Variants in ARHGEF10 observed in about 807,000 individuals in gnomAD.
ARHGEF10 encodes Rho guanine nucleotide exchange factor 10, also known as Rho guanine nucleotide exchange factor (GEF) 10.
ARHGEF10 carries 140 observed loss-of-function variants against 147.4 expected under a neutral mutation model. That is an observed-to-expected ratio of 0.95 (90% CI 0.83 to 1.09). The LOEUF (loss-of-function observed/expected upper bound fraction) is 1.09, where lower values mean the gene tolerates loss of function less well. Ranked by LOEUF, ARHGEF10 falls within the 50% of genes least tolerant of loss-of-function variation. ARHGEF10 has a pLI of 0.00. For synonymous variants in ARHGEF10, 902 were observed against 695.8 expected (o/e 1.30, Z -4.67); for missense variants, 2,222 against 1,752.7 (o/e 1.27, Z -4.78).
intron 15 of ARHGEF10, among the ~76,000 whole-genome samples, chr8:1,900,702 TAAACTC>T (rs1810383396): frequency 6.6e-6 from 1 of 152,214 alleles, no homozygotes; most frequent in African/African-American, 2.4e-5. Flanking sequence ...AGGACATTCT[TAAACTC>T]AGAATTCCAG....
At position 1,946,067 on chromosome 8, in the gene ARHGEF10, C is replaced by T. The variant is rs192117760; in HGVS notation, c.3397+412C>T. The T allele has an allele frequency of 2.0e-5, 7 of 353,054 alleles. No individual in the cohort carries two copies. The East Asian group carries it at 4.2e-4, about 21-fold the overall frequency. The allele number at this position is 353,054 out of a possible 1,614,324, so 21.9% of individuals were successfully genotyped here. On this transcript the variant is annotated intron_variant, in intron 27 of 28. Transcript: ENST00000349830. ...GGGAGGGCTGTTGGGGAGAGGCCAA[C>T]AGAGGCCTATGTTTGTGAATGCCCT... is the stretch of plus-strand genomic sequence containing the variant.
At chr8:1,870,844 C>CAG (rs1275963681) in intron 7 of ARHGEF10, 6 of 152,094 alleles carry the variant, frequency 3.9e-5, no homozygotes, top group African/African-American at 1.4e-4. Flanking sequence ...CAGGCACGGT[C>CAG]GCTCACGCCT....
intron 22 of ARHGEF10, among the ~76,000 whole-genome samples, chr8:1,925,791 C>T (rs776103875): frequency 3.3e-5 from 5 of 152,206 alleles, no homozygotes; most frequent in Admixed American, 6.5e-5. Context: ...GTACCGTGCC[C>T]GCTCTTTGCC....
chr8:1,945,629 C>T lies in ARHGEF10; in HGVS notation c.3371C>T (p.Ala1124Val), dbSNP rs1464186276. The T allele has an allele frequency of 1.9e-6, 3 of 1,614,112 alleles. No homozygotes were observed. The African/African-American group carries it at 4.0e-5, about 22-fold the overall frequency. The part of the protein sequence containing the change: ...TLKHLQDINI[A>V]TPVHNMLPGH... The stretch of plus-strand genomic sequence containing the variant: ...AAGCACCTGCAGGACATCAACATCG[C>T]CACCCCTGTTCACAACATGCTGCCA... Residue 1124 changes from alanine (A) to valine (V), a missense_variant, in exon 27 of 29, where the codon GCC (alanine) becomes GTC (valine). By Grantham distance (64) the Ala-to-Val change is moderately conservative (BLOSUM62 0). Coordinates refer to ENST00000349830, the MANE Select transcript of ARHGEF10 (RefSeq NM_014629.4).
intron 28 of ARHGEF10, among the ~76,000 whole-genome samples, chr8:1,954,642 C>G (rs1169102254): frequency 6.6e-6 from 1 of 152,206 alleles, no homozygotes; most frequent in Non-Finnish European, 1.5e-5. Flanking sequence ...ACACACTGAG[C>G]CTCAGCTGCC....
chr8:1,886,424 A>C (rs1355490911), intron 11 of ARHGEF10, among the ~76,000 whole-genome samples: 1 of 152,208 alleles, frequency 6.6e-6, no homozygotes, highest in African/African-American at 2.4e-5. Flanking sequence ...AGAGCAAGAG[A>C]GAGCATTGTC....
At chr8:1,876,466 C>T (rs536637111) in intron 7 of ARHGEF10, 105 bp from the exon 8 acceptor site, 1 of 1,218,756 alleles carries the variant, frequency 8.2e-7, no homozygotes, top group African/African-American at 1.5e-5. Context: ...TTCAGATTTC[C>T]TTCCACCCCC....
intron 21 of ARHGEF10, among the ~76,000 whole-genome samples, chr8:1,924,196 C>T (rs879284606): frequency 2.0e-4 from 30 of 152,144 alleles, no homozygotes; most frequent in Non-Finnish European, 4.4e-4. Context: ...AGGCGGGCGG[C>T]GGGCGGCGGC....
chr8:1,869,062 A>C, intron 6 of ARHGEF10, 132 bp from the exon 7 acceptor site: 2 of 821,336 alleles, frequency 2.4e-6, no homozygotes, highest in Non-Finnish European at 4.1e-6. Flanking sequence ...GTAAAAAATA[A>C]AAAAAAAACT....
At chr8:1,825,599 C>T (rs2129028384) in intron 1 of ARHGEF10, among the ~76,000 whole-genome samples, 2 of 151,782 alleles carry the variant, frequency 1.3e-5, no homozygotes, top group Middle Eastern at 6.8e-3. Flanking sequence ...AGACGCCCTG[C>T]CCACCTGTCC....
intron 1 of ARHGEF10, among the ~76,000 whole-genome samples, chr8:1,841,974 G>T (rs190547589): frequency 0.024 from 1,040 of 43,444 alleles, 151 homozygotes; most frequent in African/African-American, 0.094. Flanking sequence ...CGGAACTGGG[G>T]CCGCGGCGGG....
chr8:1,919,696 G>T (rs976423314), intron 18 of ARHGEF10, among the ~76,000 whole-genome samples: 2 of 138,966 alleles, frequency 1.4e-5, no homozygotes, highest in African/African-American at 5.5e-5. Flanking sequence ...GAGCTGTTTT[G>T]TGGGTGATGG....
rs75904278 is a variant in ARHGEF10 at position 1,900,579 on chromosome 8, C to T, written c.1650+2054C>T. On this transcript the variant is annotated intron_variant, in intron 15 of 28. Transcript: ENST00000349830. ...AACACTGCAGACGTGCGCTGTCGGACGGGCATGGCCTGCCTGTTACACACT... is the reference window on the plus strand; with the variant it reads ...AACACTGCAGACGTGCGCTGTCGGATGGGCATGGCCTGCCTGTTACACACT... Among the ~76,000 whole-genome samples, 90 of 152,290 alleles carry T rather than the reference C, an allele frequency of 5.9e-4. 1 individual carries two copies. Among genetic ancestry groups the T allele is most frequent in the African/African-American group, 2.0e-3 (82 of 41,552 alleles).
chr8:1,884,663 A>C (rs190513257), intron 10 of ARHGEF10, among the ~76,000 whole-genome samples: 2 of 151,632 alleles, frequency 1.3e-5, no homozygotes, highest in East Asian at 3.9e-4. Context: ...AACTAGAAAA[A>C]CTCAGGTTTC....
At chr8:1,839,679 T>TGGTGTGGGGACTGTCC (rs1260564639) in intron 1 of ARHGEF10, among the ~76,000 whole-genome samples, 2 of 125,952 alleles carry the variant, frequency 1.6e-5, no homozygotes, top group Non-Finnish European at 1.7e-5. Context: ...GTGTGGAAAC[T>TGGTGTGGGGACTGTCC]GGTGTGGGGA....
chr8:1,956,937 C>T lies in ARHGEF10; in HGVS notation c.3709C>T (p.Pro1237Ser), dbSNP rs763184508. ...TGGTTCATCTCTGAGCCAGGGTGAC[C>T]CTGACGCAGCCATCTGGTTGGGAGA... ...GAGSSLSQGD[P>S]DAAIWLGDSL... The change falls in exon 29 of 29, where the codon CCT becomes TCT. Residue 1237 changes from proline (P) to serine (S), a missense_variant. Physicochemically the swap from Pro to Ser is moderately conservative, Grantham distance 74 (BLOSUM62 -1). Coordinates refer to ENST00000349830, the MANE Select transcript of ARHGEF10 (RefSeq NM_014629.4). 1.9e-6 allele frequency: 3 copies of T among 1,614,156 alleles called. No homozygotes were observed. The highest frequency in any genetic ancestry group is 2.5e-6 in the Non-Finnish European group (3 of 1,180,040).
intron 1 of ARHGEF10, among the ~76,000 whole-genome samples, chr8:1,832,577 G>GAGACAGAGAC (rs1803212315): frequency 6.8e-6 from 1 of 147,300 alleles, no homozygotes. Flanking sequence ...GGCAGAGACA[G>GAGACAGAGAC]AGGCAGAGAC....
At chr8:1,828,684 T>C (rs373777670) in intron 1 of ARHGEF10, among the ~76,000 whole-genome samples, 2 of 150,436 alleles carry the variant, frequency 1.3e-5, no homozygotes, top group Admixed American at 1.3e-4. Flanking sequence ...GCACACTTAC[T>C]GTTTTAAGGA....
intron 18 of ARHGEF10, among the ~76,000 whole-genome samples, chr8:1,912,005 A>T (rs1263414237): frequency 6.6e-6 from 1 of 152,214 alleles, no homozygotes; most frequent in East Asian, 1.9e-4. Flanking sequence ...TGCTGCTTGA[A>T]TGACTGTTCT....
Sources: gnomAD v4.1 joint callset for allele counts (sites outside exome capture counted in the v4.1 genomes callset) on GRCh38, gnomAD v4.1.1 for gene constraint, MANE v1.5 for transcripts, NCBI Gene and HGNC (gene_info 2026-07-23, HGNC 2026-07-21) for gene names.